RNF214: variants seen among roughly 807,000 people sequenced by gnomAD.
RNF214 encodes ring finger protein 214.
A neutral mutation model predicts 75.9 loss-of-function variants in RNF214; 25 were observed. The observed-to-expected ratio is 0.33, with a 90% confidence interval of 0.24 to 0.46. The LOEUF (loss-of-function observed/expected upper bound fraction) is 0.46, where lower values mean the gene tolerates loss of function less well. Among genes scored for constraint, RNF214 ranks in the 20% least tolerant of loss-of-function variants. The pLI is 1.00. For missense variants in RNF214, 725 were observed against 857.5 expected, an observed-to-expected ratio of 0.85 and a Z score of 1.93; for synonymous variants, 314 against 308.8, an observed-to-expected ratio of 1.02 and a Z score of -0.18.
intron 2 of RNF214, among the ~76,000 whole-genome samples, chr11:117,236,273 T>C (rs1459694382): frequency 1.3e-5 from 2 of 151,186 alleles, no homozygotes; most frequent in East Asian, 3.9e-4. Context: ...GTCAATTTTT[T>C]TGTTTTTTTT....
chr11:117,253,938 G>A (rs2033459998), intron 6 of RNF214, among the ~76,000 whole-genome samples: 1 of 151,956 alleles, frequency 6.6e-6, no homozygotes, highest in African/African-American at 2.4e-5. Flanking sequence ...TTCATTGGAA[G>A]CATCACTCTG....
chr11:117,274,939 A>C (rs1175261893), intron 6 of RNF214, among the ~76,000 whole-genome samples: 1 of 152,074 alleles, frequency 6.6e-6, no homozygotes, highest in Non-Finnish European at 1.5e-5. Flanking sequence ...CAGCCTCCAG[A>C]AACAACTGAG....
At chr11:117,267,256 G>C (rs953556825) in intron 6 of RNF214, among the ~76,000 whole-genome samples, 1 of 152,100 alleles carries the variant, frequency 6.6e-6, no homozygotes, top group African/African-American at 2.4e-5. Flanking sequence ...ATGAAGTCTC[G>C]CTTGCCAGTT....
intron 14 of RNF214, among the ~76,000 whole-genome samples, chr11:117,284,531 A>G (rs2134426944): frequency 6.6e-6 from 1 of 152,326 alleles, no homozygotes; most frequent in South Asian, 2.1e-4. Flanking sequence ...ACATTCAACA[A>G]AAAGCAGCAT....
chr11:117,266,901 C>G (rs1421635457), intron 6 of RNF214, among the ~76,000 whole-genome samples: 2 of 133,490 alleles, frequency 1.5e-5, no homozygotes, highest in African/African-American at 2.9e-5. Flanking sequence ...TTCACCCAGG[C>G]TGGAATGCAA....
chr11:117,257,707 AAG>A (rs2033557119), intron 6 of RNF214, among the ~76,000 whole-genome samples: 2 of 152,248 alleles, frequency 1.3e-5, no homozygotes, highest in African/African-American at 4.8e-5. Context: ...GAAAGACAAA[AAG>A]AATAATGAGA....
At chr11:117,240,153 G>A (rs1028600412) in intron 4 of RNF214, among the ~76,000 whole-genome samples, 1 of 151,864 alleles carries the variant, frequency 6.6e-6, no homozygotes, top group Non-Finnish European at 1.5e-5. Flanking sequence ...TGGAGTTTGA[G>A]ACCAGCCTGG....
chr11:117,264,831 A>G (rs968858499), intron 6 of RNF214, among the ~76,000 whole-genome samples: 3 of 152,038 alleles, frequency 2.0e-5, no homozygotes, highest in Admixed American at 1.3e-4. Context: ...TGGGAAGCCA[A>G]GGTGGGCGGA....
intron 5 of RNF214, among the ~76,000 whole-genome samples, chr11:117,245,974 T>G (rs2033215665): frequency 6.6e-6 from 1 of 151,520 alleles, no homozygotes; most frequent in East Asian, 1.9e-4. Context: ...ATTATTTTAC[T>G]TTTTTTTTGA....
chr11:117,232,953 G>T (rs1308348721), intron 1 of RNF214, among the ~76,000 whole-genome samples: 1 of 151,252 alleles, frequency 6.6e-6, no homozygotes, highest in South Asian at 2.1e-4. Flanking sequence ...GGGGGGTCTG[G>T]TCCGAGCCAG....
At chr11:117,261,018 C>T (rs2033650538) in intron 6 of RNF214, among the ~76,000 whole-genome samples, 1 of 151,598 alleles carries the variant, frequency 6.6e-6, no homozygotes, top group Non-Finnish European at 1.5e-5. Flanking sequence ...CCTTTCAAAC[C>T]CTTAAACCTT....
chr11:117,260,616 C>T (rs1450916158), intron 6 of RNF214, among the ~76,000 whole-genome samples: 1 of 146,934 alleles, frequency 6.8e-6, no homozygotes, highest in East Asian at 2.1e-4. Flanking sequence ...CTGGGTGACA[C>T]AGTGAGACCT....
At chr11:117,273,850 G>C (rs1354337075) in intron 6 of RNF214, among the ~76,000 whole-genome samples, 1 of 152,198 alleles carries the variant, frequency 6.6e-6, no homozygotes, top group Non-Finnish European at 1.5e-5. Context: ...GGATCCTTCA[G>C]ACCAACTGGC....
chr11:117,239,801 A>G lies in RNF214; in HGVS notation c.619A>G (p.Thr207Ala). The G allele has an allele frequency of 3.9e-6, 6 of 1,538,006 alleles. No homozygotes were observed. The highest frequency in any genetic ancestry group is 5.4e-6 in the Non-Finnish European group (6 of 1,111,094). ...TAAATATAACTTTTTTCCTTTATAGACTGACTTTAAGACAGCTGATTCAGA... is the reference window on the plus strand; with the variant it reads ...TAAATATAACTTTTTTCCTTTATAGGCTGACTTTAAGACAGCTGATTCAGA... ...LKLSQNIAVQ[T>A]DFKTADSEVN... Residue 207 changes from threonine to alanine, a missense_variant and splice_region_variant, in exon 4 of 15, where the codon ACT becomes GCT. Physicochemically the swap from Thr to Ala is moderately conservative, Grantham distance 58 (BLOSUM62 0). Coordinates refer to ENST00000300650, the MANE Select transcript of RNF214 (RefSeq NM_207343.4).
intron 5 of RNF214, among the ~76,000 whole-genome samples, chr11:117,244,947 G>A (rs1002438651): frequency 5.3e-5 from 8 of 151,570 alleles, no homozygotes; most frequent in African/African-American, 1.9e-4. Context: ...TTTTATTTCA[G>A]TTAACTCAAA....
At chr11:117,259,921 A>C (rs960307020) in intron 6 of RNF214, among the ~76,000 whole-genome samples, 1 of 152,140 alleles carries the variant, frequency 6.6e-6, no homozygotes, top group East Asian at 1.9e-4. Context: ...TGTCTAATTC[A>C]TTAAAACTTT....
chr11:117,236,161 A>G (rs1309316175), intron 2 of RNF214, among the ~76,000 whole-genome samples: 1 of 151,864 alleles, frequency 6.6e-6, no homozygotes, highest in Non-Finnish European at 1.5e-5. Context: ...GGGTTTCACC[A>G]TGTTGACCAG....
chr11:117,254,075 G>A (rs1237223449), intron 6 of RNF214, among the ~76,000 whole-genome samples: 5 of 152,140 alleles, frequency 3.3e-5, no homozygotes, highest in Admixed American at 1.3e-4. Flanking sequence ...CCAACATGGC[G>A]AAACCCCATC....
intron 6 of RNF214, among the ~76,000 whole-genome samples, chr11:117,256,904 C>T (rs655023): frequency 0.72 from 109,819 of 152,122 alleles, 41,304 homozygotes; most frequent in East Asian, 0.95. Flanking sequence ...CTTCTAGATA[C>T]GGGAAATAAT....
Sources: gnomAD v4.1 joint callset for allele counts (sites outside exome capture counted in the v4.1 genomes callset) on GRCh38, gnomAD v4.1.1 for gene constraint, MANE v1.5 for transcripts, NCBI Gene and HGNC (gene_info 2026-07-23, HGNC 2026-07-21) for gene names.